Variants in DDX24 observed in about 807,000 individuals in gnomAD.
The protein encoded by DDX24 is DEAD-box helicase 24.
DDX24 carries 24 observed loss-of-function variants against 68.9 expected under a neutral mutation model. The ratio of observed to expected loss-of-function variants is 0.35; its 90% CI spans 0.25 to 0.49. The LOEUF (loss-of-function observed/expected upper bound fraction) is 0.49, where lower values mean the gene tolerates loss of function less well. DDX24 is among the 20% of genes least tolerant of loss of function. DDX24 has a pLI of 0.99. For synonymous variants in DDX24, 395 were observed against 385.2 expected (o/e 1.03, Z -0.30); for missense variants, 989 against 1,039.0 (o/e 0.95, Z 0.66).
rs768792330 is a variant in DDX24 at position 94,060,513 on chromosome 14, T to C, written c.1498A>G (p.Lys500Glu). The C allele has an allele frequency of 8.1e-6, 13 of 1,614,066 alleles. No individual in the cohort carries two copies. The African/African-American group carries it at 9.3e-5, about 12-fold the overall frequency. ...GCAGAAAAAACAAGCGTTTGTCTCT[T>C]TGGGTTGTATTGGGAGTCATTGAGC... ...EMLNDSQYNP[K>E]RQTLVFSATL... Residue 500 changes from lysine (K) to glutamate (E), a missense_variant, in exon 5 of 9, where the codon AAG becomes GAG. Around this residue, in one of 3 missense-constraint regions of DDX24, gnomAD observed 691 missense variants for 760.0 expected, o/e 0.91. Coordinates refer to ENST00000621632, the MANE Select transcript of DDX24 (RefSeq NM_020414.4).
intron 3 of DDX24, 69 bp from the exon 4 acceptor site, chr14:94,061,135 G>A: frequency 6.4e-7 from 1 of 1,562,442 alleles, no homozygotes; most frequent in Non-Finnish European, 8.8e-7. Context: ...GGCTGACACA[G>A]GCACCCCAGA....
At chr14:94,062,053 G>T in intron 3 of DDX24, 44 bp downstream of exon 3, 1 of 1,544,654 alleles carries the variant, frequency 6.5e-7, no homozygotes, top group Non-Finnish European at 8.7e-7. Context: ...ACGAGCATTT[G>T]GGATTTACCT....
rs548901048 is a variant in DDX24, at chr14:94,078,070, T to G, written c.718+955A>C. On this transcript the variant is annotated intron_variant, in intron 2 of 8. Transcript: ENST00000621632. ...TATCTGTACTAAACACTGTACAGAC[T>G]TTTCTTGTCATTATTCCCTAAACAA... is the stretch of plus-strand genomic sequence containing the variant. Among the ~76,000 whole-genome samples the G allele has an allele frequency of 1.5e-3, 230 of 152,018 alleles. 4 individuals are homozygous for G. Among genetic ancestry groups the G allele is most frequent in the Non-Finnish European group, 2.4e-3 (160 of 67,982 alleles).
At chr14:94,060,695 A>AACACACAC (rs373138665) in intron 4 of DDX24, 82 bp from the exon 5 acceptor site, 2 of 1,464,266 alleles carry the variant, frequency 1.4e-6, no homozygotes, top group Non-Finnish European at 1.8e-6. Context: ...ACTCATCCTA[A>AACACACAC]ACACACACAC....
rs983606634 is a variant in DDX24, at chr14:94,081,180, G to C, written c.-67C>G. The C allele has an allele frequency of 6.6e-6, 1 of 152,326 alleles. No homozygotes were observed. The allele number at this position is 152,326 out of a possible 1,614,324, so 9.4% of individuals were successfully genotyped here. On this transcript the variant is annotated 5_prime_UTR_variant, in exon 1 of 9. Transcript: ENST00000621632. Reference sequence around the variant, plus strand: ...GTGAAGAACCTCAGAAACCGCCGCTGTACCTCAGCTGCAGCAGCAACTGCA... The same window carrying C: ...GTGAAGAACCTCAGAAACCGCCGCTCTACCTCAGCTGCAGCAGCAACTGCA...
chr14:94,080,653 G>A (rs1318158443), intron 1 of DDX24, among the ~76,000 whole-genome samples: 1 of 152,060 alleles, frequency 6.6e-6, no homozygotes, highest in African/African-American at 2.4e-5. Flanking sequence ...GGCGAGGAGA[G>A]CACGTTCGCA....
intron 2 of DDX24, among the ~76,000 whole-genome samples, chr14:94,067,319 C>T (rs1188268511): frequency 6.6e-6 from 1 of 151,990 alleles, no homozygotes; most frequent in Non-Finnish European, 1.5e-5. Flanking sequence ...TGAACAAAGG[C>T]TCTAAGAAGT....
chr14:94,077,870 T>TA (rs34265498), intron 2 of DDX24, among the ~76,000 whole-genome samples: 3,226 of 145,050 alleles, frequency 0.022, 51 homozygotes, highest in Non-Finnish European at 0.03. Context: ...GAAAATTTAG[T>TA]AAAAAAAAAA....
chr14:94,066,809 T>C (rs777667949), intron 2 of DDX24, among the ~76,000 whole-genome samples: 1 of 152,196 alleles, frequency 6.6e-6, no homozygotes, highest in South Asian at 2.1e-4. Context: ...AAGGGAACAC[T>C]CCATGAGACA....
At chr14:94,059,040 C>A (rs1031938300) in intron 5 of DDX24, among the ~76,000 whole-genome samples, 1 of 152,134 alleles carries the variant, frequency 6.6e-6, no homozygotes, top group Non-Finnish European at 1.5e-5. Context: ...TCAAGTCTAA[C>A]CTGGGCAACA....
In DDX24 at chr14:94,060,993, C is replaced by A. The variant is rs1373174060; in HGVS notation, c.1317G>T (p.Glu439Asp). The A allele has an allele frequency of 6.2e-7, 1 of 1,614,234 alleles. No homozygotes were observed. Residue 439 changes from glutamate to aspartate, a missense_variant, in exon 4 of 9, where the codon GAG (glutamate) becomes GAT (aspartate). Glu to Asp is a conservative substitution (Grantham distance 45). Around this residue, in one of 3 missense-constraint regions of DDX24, gnomAD observed 691 missense variants for 760.0 expected, o/e 0.91. Transcript: ENST00000621632. The stretch of plus-strand genomic sequence containing the variant: ...GCCGGCCTGGAGTAGCAACCACAAT[C>A]TCAGGACGACGGTTCAGCATCCTCT... ...KQQRMLNRRP[E>D]IVVATPGRLW...
chr14:94,054,213 G>A lies in DDX24; in HGVS notation c.2178+783C>T, dbSNP rs1382470258. On this transcript the variant is annotated intron_variant, in intron 7 of 8. Transcript: ENST00000621632. ...GGGAAAGAAACCAAGGGAAGCCTGG[G>A]TGGCTCCTAATCCTCCTTACTAATG... 2.6e-5 allele frequency among the ~76,000 whole-genome samples: 4 copies of A among 152,328 alleles called. No homozygotes were observed. The East Asian group carries it at 7.7e-4, about 29-fold the overall frequency.
chr14:94,062,689 G>A, intron 2 of DDX24, 68 bp from the exon 3 acceptor site: 3 of 1,522,540 alleles, frequency 2.0e-6, no homozygotes, highest in Non-Finnish European at 2.6e-6. Flanking sequence ...CTTTAGTCTG[G>A]AATTCATTCT....
intron 4 of DDX24, 66 bp downstream of exon 4, chr14:94,060,847 A>G (rs1885583014): frequency 6.3e-7 from 1 of 1,590,026 alleles, no homozygotes; most frequent in South Asian, 1.2e-5. Flanking sequence ...CATTGCCCAC[A>G]CCATGTCACC....
In DDX24 at chr14:94,048,899, A is replaced by G. The variant is rs920229860; in HGVS notation, c.*2292T>C. On this transcript the variant is annotated 3_prime_UTR_variant, in exon 9 of 9. Transcript: ENST00000621632. ...CAGCTTCCCTAGGCAGTAAGTAAAAACATTCTCCTAGCATTAAAATGGTTT... is the reference window on the plus strand; with the variant it reads ...CAGCTTCCCTAGGCAGTAAGTAAAAGCATTCTCCTAGCATTAAAATGGTTT... The G allele has an allele frequency of 6.6e-6, 1 of 152,244 alleles. No individual in the cohort carries two copies. Among genetic ancestry groups the G allele is most frequent in the Non-Finnish European group, 1.5e-5 (1 of 68,052 alleles). 9.4% of individuals were successfully genotyped at this position (152,244 alleles called of 1,614,324 possible).
chr14:94,067,136 A>T (rs187535141), intron 2 of DDX24, among the ~76,000 whole-genome samples: 1 of 152,174 alleles, frequency 6.6e-6, no homozygotes, highest in Non-Finnish European at 1.5e-5. Context: ...ATACATAAAG[A>T]GAAAACAATA....
chr14:94,060,898 A>G lies in DDX24; in HGVS notation c.1397+15T>C. ...AAAAGGCAGTGAGGGGGAAAAGAGAAGTGCCATCTATTACCTGAGCTGCCG... is the reference window on the plus strand; with the variant it reads ...AAAAGGCAGTGAGGGGGAAAAGAGAGGTGCCATCTATTACCTGAGCTGCCG... On this transcript the variant is annotated intron_variant, in intron 4 of 8. Transcript: ENST00000621632. The G allele has an allele frequency of 6.2e-7, 1 of 1,613,466 alleles. No individual in the cohort carries two copies. Among genetic ancestry groups the G allele is most frequent in the Non-Finnish European group, 8.5e-7 (1 of 1,179,564 alleles).
At chr14:94,074,685 C>T (rs1489042696) in intron 2 of DDX24, among the ~76,000 whole-genome samples, 2 of 152,164 alleles carry the variant, frequency 1.3e-5, no homozygotes, top group Non-Finnish European at 2.9e-5. Context: ...TTTACCACTA[C>T]AATTCAAAAT....
intron 2 of DDX24, among the ~76,000 whole-genome samples, chr14:94,068,359 C>T (rs1196921470): frequency 2.0e-5 from 3 of 152,082 alleles, no homozygotes; most frequent in Admixed American, 6.6e-5. Flanking sequence ...CACCAATTTA[C>T]GAAACAATTA....
Sources: gnomAD v4.1 joint callset for allele counts (sites outside exome capture counted in the v4.1 genomes callset) on GRCh38, gnomAD v4.1.1 for gene constraint, gnomAD v4.1.1 regional missense constraint, MANE v1.5 for transcripts, NCBI Gene and HGNC (gene_info 2026-07-23, HGNC 2026-07-21) for gene names.